The following PPP1R12B variants were observed in gnomAD, a reference collection of about 807,000 sequenced individuals.
PPP1R12B encodes the protein protein phosphatase 1 regulatory subunit 12B, also known as myosin phosphatase target subunit 2.
In PPP1R12B, 76 loss-of-function variants were observed where a neutral mutation model predicts 126.1. The observed-to-expected ratio is 0.60, with a 90% CI of 0.50 to 0.73. PPP1R12B has a LOEUF of 0.73. PPP1R12B is among the 30% of genes least tolerant of loss of function. The pLI is 0.00. For synonymous variants in PPP1R12B, 356 were observed against 434.7 expected, an observed-to-expected ratio of 0.82 and a Z score of 2.25; for missense variants, 1,052 against 1,205.1, an observed-to-expected ratio of 0.87 and a Z score of 1.88.
In PPP1R12B at chr1:202,493,312, G is replaced by A. The variant is rs752705540; in HGVS notation, c.2140G>A (p.Glu714Lys). ...GCAGCCCTGGGGCAGGAGTCTGGAT[G>A]AAGAGGTGAGCTCATTTTTGCTGGC... is the stretch of plus-strand genomic sequence containing the variant. ...GQQPWGRSLDEEPICHRLRCP... is the reference protein window; with the variant it reads ...GQQPWGRSLDKEPICHRLRCP... Residue 714 changes from glutamate to lysine, a missense_variant, in exon 15 of 24, where the codon GAA (glutamate) becomes AAA (lysine). Coordinates refer to ENST00000608999, the MANE Select transcript of PPP1R12B (RefSeq NM_002481.4). 21 of 1,611,548 alleles carry A rather than the reference G, an allele frequency of 1.3e-5. No homozygotes were observed. Among genetic ancestry groups the A allele is most frequent in the Non-Finnish European group, 1.6e-5 (19 of 1,179,588 alleles).
chr1:202,404,677 T>A (rs149243955), intron 1 of PPP1R12B, among the ~76,000 whole-genome samples: 2,935 of 151,902 alleles, frequency 0.019, 106 homozygotes, highest in African/African-American at 0.067. Flanking sequence ...TTTTTTGTAT[T>A]TTTTTAGTAG....
chr1:202,394,162 C>T (rs1428484924), intron 1 of PPP1R12B, among the ~76,000 whole-genome samples: 1 of 151,786 alleles, frequency 6.6e-6, no homozygotes, highest in East Asian at 2.0e-4. Context: ...CATGGCGAAA[C>T]CCCATCTCTA....
At chr1:202,375,836 C>T (rs1283857123) in intron 1 of PPP1R12B, among the ~76,000 whole-genome samples, 1 of 152,238 alleles carries the variant, frequency 6.6e-6, no homozygotes, top group East Asian at 1.9e-4. Context: ...TGAGCCATGG[C>T]ATCCCGCCCC....
At chr1:202,354,131 T>A (rs1355788434) in intron 1 of PPP1R12B, among the ~76,000 whole-genome samples, 1 of 152,218 alleles carries the variant, frequency 6.6e-6, no homozygotes, top group Non-Finnish European at 1.5e-5. Context: ...AGATATACTT[T>A]ATATACAATA....
At chr1:202,475,626 C>T (rs1385937728) in intron 13 of PPP1R12B, among the ~76,000 whole-genome samples, 2 of 152,108 alleles carry the variant, frequency 1.3e-5, no homozygotes, top group Non-Finnish European at 1.5e-5. Flanking sequence ...AGGTATATAA[C>T]GTTGTTACTT....
chr1:202,471,926 G>A (rs1346422699), intron 13 of PPP1R12B: 33 of 1,596,476 alleles, frequency 2.1e-5, no homozygotes, highest in Non-Finnish European at 1.9e-5. Context: ...CCGTAGGCTG[G>A]CAGAGGACAG....
In PPP1R12B at chr1:202,384,702, G is replaced by A. The variant is rs1371811940; in HGVS notation, c.292-32085G>A. 4.6e-5 allele frequency among the ~76,000 whole-genome samples: 7 copies of A among 152,144 alleles called. No homozygotes were observed. In the East Asian group the frequency reaches 1.3e-3, roughly 29 times the overall value. On this transcript the variant is annotated intron_variant, in intron 1 of 23. Transcript: ENST00000608999. ...ACACTTTCAGAAGGTGAATTTTATG[G>A]TATGTTGATTACATCTCAATGAAGA...
intron 1 of PPP1R12B, among the ~76,000 whole-genome samples, chr1:202,373,506 TA>T (rs916982404): frequency 9.9e-5 from 15 of 152,160 alleles, no homozygotes; most frequent in African/African-American, 3.4e-4. Flanking sequence ...TGGTGTGAGC[TA>T]GGGGGGTCCA....
At chr1:202,456,646 A>G (rs777116312) in intron 13 of PPP1R12B, among the ~76,000 whole-genome samples, 2 of 152,238 alleles carry the variant, frequency 1.3e-5, no homozygotes, top group South Asian at 4.1e-4. Flanking sequence ...TACTTTGCCC[A>G]TAGCTCAAAG....
chr1:202,480,794 T>A (rs1677247754), intron 13 of PPP1R12B, among the ~76,000 whole-genome samples: 1 of 152,228 alleles, frequency 6.6e-6, no homozygotes, highest in Non-Finnish European at 1.5e-5. Context: ...AAATGACTAA[T>A]GAAGATATGT....
chr1:202,505,589 C>T (rs1680715990), intron 18 of PPP1R12B, among the ~76,000 whole-genome samples: 1 of 152,114 alleles, frequency 6.6e-6, no homozygotes, highest in Non-Finnish European at 1.5e-5. Flanking sequence ...TTTTGTTTTC[C>T]TCTCTCTCTG....
intron 10 of PPP1R12B, chr1:202,438,938 GC>G (rs1671222986): frequency 1.3e-6 from 2 of 1,533,704 alleles, no homozygotes; most frequent in South Asian, 2.3e-5. Flanking sequence ...CCCGAAGACG[GC>G]CGTGGACTGG....
chr1:202,353,586 T>TTGTGTGTGTGTG lies in PPP1R12B; in HGVS notation c.291+4477_291+4488dup, dbSNP rs58683662. ...AGAATTTCTTCCCTATTCTTCTTCT[T>TTGTGTGTGTGTG]TGTGTGTGTGTGTGTGTGTGTGTGT... On this transcript the variant is annotated intron_variant, in intron 1 of 23. Coordinates refer to ENST00000608999, the MANE Select transcript of PPP1R12B (RefSeq NM_002481.4). 3.6e-3 allele frequency among the ~76,000 whole-genome samples: 433 copies of TTGTGTGTGTGTG among 120,794 alleles called. 9 individuals are homozygous for TTGTGTGTGTGTG. The highest frequency in any genetic ancestry group is 0.013 in the African/African-American group (405 of 31,536). The allele number at this position is 120,794 out of a possible 152,430, so 79.2% of individuals were successfully genotyped here. A position where few individuals can be genotyped will look rare whatever the true frequency, so the allele number is the denominator to read the frequency against.
At chr1:202,516,749 A>G (rs1341207161) in intron 18 of PPP1R12B, among the ~76,000 whole-genome samples, 1 of 152,174 alleles carries the variant, frequency 6.6e-6, no homozygotes, top group African/African-American at 2.4e-5. Flanking sequence ...CTTAGTCCAC[A>G]TTTCTGCTTT....
intron 1 of PPP1R12B, among the ~76,000 whole-genome samples, chr1:202,390,187 T>A (rs1327077569): frequency 6.6e-6 from 1 of 152,144 alleles, no homozygotes; most frequent in Admixed American, 6.5e-5. Context: ...GGGGAAGGAA[T>A]AGTGTTTTCA....
chr1:202,456,538 C>T (rs1163958566), intron 13 of PPP1R12B, among the ~76,000 whole-genome samples: 2 of 152,072 alleles, frequency 1.3e-5, no homozygotes, highest in African/African-American at 2.4e-5. Flanking sequence ...ATTTTAATGC[C>T]GTGTGTGTAG....
intron 9 of PPP1R12B, among the ~76,000 whole-genome samples, chr1:202,437,399 G>C (rs760423296): frequency 2.0e-5 from 3 of 152,114 alleles, no homozygotes; most frequent in Non-Finnish European, 4.4e-5. Flanking sequence ...TTATAAGGAG[G>C]GATTAAGCTC....
At chr1:202,411,810 C>G (rs1052442026) in intron 1 of PPP1R12B, among the ~76,000 whole-genome samples, 4 of 152,156 alleles carry the variant, frequency 2.6e-5, no homozygotes, top group Non-Finnish European at 5.9e-5. Context: ...TTTGCAAGCC[C>G]TGGTCTGTCT....
intron 1 of PPP1R12B, among the ~76,000 whole-genome samples, chr1:202,367,196 CT>C (rs992119934): frequency 2.0e-5 from 3 of 152,256 alleles, no homozygotes; most frequent in East Asian, 1.9e-4. Context: ...CCTTTTAGCT[CT>C]AACGTATTGA....
Sources: gnomAD v4.1 joint callset for allele counts (sites outside exome capture counted in the v4.1 genomes callset) on GRCh38, gnomAD v4.1.1 for gene constraint, MANE v1.5 for transcripts, NCBI Gene and HGNC (gene_info 2026-07-23, HGNC 2026-07-21) for gene names.